The following TNFRSF21 variants were observed in gnomAD, a reference collection of about 807,000 sequenced individuals.
The protein encoded by TNFRSF21 is TNF receptor superfamily member 21.
TNFRSF21 carries 19 observed loss-of-function variants against 45.6 expected under a neutral mutation model. The ratio of observed to expected loss-of-function variants is 0.42; its 90% CI spans 0.29 to 0.61. TNFRSF21 has a LOEUF of 0.61. Among genes scored for constraint, TNFRSF21 ranks in the 20% least tolerant of loss-of-function variants. TNFRSF21 has a pLI of 0.23. For synonymous variants in TNFRSF21, 314 were observed against 335.5 expected (o/e 0.94, Z 0.70); for missense variants, 737 against 851.5 (o/e 0.87, Z 1.67).
chr6:47,234,797 C>G lies in TNFRSF21; in HGVS notation c.1611G>C (p.Thr537=), dbSNP rs774299943. The change falls in exon 5 of 6, where the codon ACG becomes ACC. Residue 537 remains threonine, a synonymous_variant. Transcript: ENST00000296861. ...TCTTGTCCTGTGGGGAAGGCTCCAC[C>G]GTCAGGAGAGCGGAATTCTCAAGTT... is the stretch of plus-strand genomic sequence containing the variant. ...NAKLENSALL[T]VEPSPQDKNK... is the part of the protein sequence containing the mutation. The G allele has an allele frequency of 6.3e-7, 1 of 1,583,684 alleles. No individual in the cohort carries two copies. Among genetic ancestry groups the G allele is most frequent in the Non-Finnish European group, 8.6e-7 (1 of 1,167,766 alleles).
intron 3 of TNFRSF21, among the ~76,000 whole-genome samples, chr6:47,257,727 G>A (rs2113851929): frequency 6.6e-6 from 1 of 152,254 alleles, no homozygotes; most frequent in South Asian, 2.1e-4. Flanking sequence ...TTCTTTTCAT[G>A]TTATTACTTT....
At chr6:47,306,604 T>C (rs1057491274) in intron 1 of TNFRSF21, among the ~76,000 whole-genome samples, 2 of 152,236 alleles carry the variant, frequency 1.3e-5, no homozygotes, top group African/African-American at 4.8e-5. Context: ...TTGCTCTCTC[T>C]ATACATATAC....
intron 3 of TNFRSF21, among the ~76,000 whole-genome samples, chr6:47,255,472 T>G (rs1764972477): frequency 6.6e-6 from 1 of 151,232 alleles, no homozygotes; most frequent in African/African-American, 2.4e-5. Flanking sequence ...TTTTTTTTTG[T>G]TTTTTTGAGA....
intron 4 of TNFRSF21, 51 bp downstream of exon 4, chr6:47,253,205 G>C (rs1422434037): frequency 6.3e-7 from 1 of 1,584,652 alleles, no homozygotes; most frequent in Non-Finnish European, 8.6e-7. Context: ...AAAATTTGAA[G>C]CATAGGGGCA....
At chr6:47,239,738 G>A (rs1764719430) in intron 4 of TNFRSF21, among the ~76,000 whole-genome samples, 1 of 152,124 alleles carries the variant, frequency 6.6e-6, no homozygotes, top group South Asian at 2.1e-4. Flanking sequence ...TCCCTCATCA[G>A]ACCTGTGGTC....
chr6:47,304,123 G>C (rs1036968230), intron 1 of TNFRSF21, among the ~76,000 whole-genome samples: 3 of 152,092 alleles, frequency 2.0e-5, no homozygotes, highest in Non-Finnish European at 4.4e-5. Flanking sequence ...AGAAGTTGCT[G>C]GTGACCTGGC....
intron 1 of TNFRSF21, among the ~76,000 whole-genome samples, chr6:47,300,733 C>T (rs899956879): frequency 2.6e-5 from 4 of 152,134 alleles, no homozygotes; most frequent in African/African-American, 9.7e-5. Flanking sequence ...CATACTGTTC[C>T]TTCCTCCTGG....
intron 4 of TNFRSF21, among the ~76,000 whole-genome samples, chr6:47,235,612 G>C (rs9367269): frequency 0.23 from 34,509 of 152,078 alleles, 5,445 homozygotes; most frequent in East Asian, 0.49. Context: ...CTTACACTCA[G>C]CTTCACAGGG....
chr6:47,260,265 C>A (rs1443740835), intron 3 of TNFRSF21, among the ~76,000 whole-genome samples: 7 of 117,964 alleles, frequency 5.9e-5, no homozygotes, highest in Non-Finnish European at 1.1e-4. Context: ...CTGAAGTCAT[C>A]CACAGGAGGG....
At chr6:47,282,256 A>C (rs1455422532) in intron 3 of TNFRSF21, among the ~76,000 whole-genome samples, 1 of 152,000 alleles carries the variant, frequency 6.6e-6, no homozygotes, top group South Asian at 2.1e-4. Flanking sequence ...ATGGTGGTAC[A>C]TGCCTGTAAT....
chr6:47,264,992 G>C (rs1489942527), intron 3 of TNFRSF21, among the ~76,000 whole-genome samples: 2 of 152,192 alleles, frequency 1.3e-5, no homozygotes, highest in Non-Finnish European at 2.9e-5. Flanking sequence ...CAGGATGACT[G>C]TCTGGAATTT....
Position 47,232,460 on chromosome 6 carries a change from G to A in TNFRSF21, c.*305C>T. On this transcript the variant is annotated 3_prime_UTR_variant, in exon 6 of 6. Transcript: ENST00000296861. ...AATAATCTTGAAAATACATAAGAAG[G>A]CAAAATGGAGAAAATATGGAACTTA... 1 of 293,650 alleles carries A rather than the reference G, an allele frequency of 3.4e-6. No individual in the cohort carries two copies. Among genetic ancestry groups the A allele is most frequent in the Non-Finnish European group, 6.3e-6 (1 of 158,292 alleles). The allele number at this position is 293,650 out of a possible 1,614,324, so 18.2% of individuals were successfully genotyped here. A position where few individuals can be genotyped will look rare whatever the true frequency, so the allele number is the denominator to read the frequency against.
chr6:47,253,197 A>C, intron 4 of TNFRSF21, 59 bp downstream of exon 4: 2 of 1,571,476 alleles, frequency 1.3e-6, no homozygotes, highest in Middle Eastern at 1.7e-4. Context: ...CAACTGATAA[A>C]ATTTGAAGCA....
At chr6:47,293,588 T>C (rs184282825) in intron 1 of TNFRSF21, among the ~76,000 whole-genome samples, 4 of 152,268 alleles carry the variant, frequency 2.6e-5, no homozygotes, top group East Asian at 1.9e-4. Context: ...TCAAAAGAAA[T>C]GTCAAAAAAT....
intron 1 of TNFRSF21, among the ~76,000 whole-genome samples, chr6:47,292,732 G>A (rs1393130691): frequency 6.6e-6 from 1 of 152,166 alleles, no homozygotes; most frequent in Non-Finnish European, 1.5e-5. Context: ...AAACATTTAA[G>A]TCTCTGCTCA....
rs1339828763 is a variant in TNFRSF21 at position 47,253,382 on chromosome 6, T to G, written c.1383A>C (p.Ala461=). 1.9e-6 allele frequency: 3 copies of G among 1,614,044 alleles called. No individual in the cohort carries two copies. In the African/African-American group the frequency reaches 4.0e-5, roughly 22 times the overall value. The part of the protein sequence containing the change: ...GYTADHERAY[A]ALQHWTIRGP... ...CCCGGATGGTCCAGTGCTGCAGAGCTGCGTAGGCCCGCTCGTGGTCGGCTG... is the reference window on the plus strand; with the variant it reads ...CCCGGATGGTCCAGTGCTGCAGAGCGGCGTAGGCCCGCTCGTGGTCGGCTG... The change falls in exon 4 of 6, where the codon GCA becomes GCC. Residue 461 remains alanine, a synonymous_variant. Coordinates refer to ENST00000296861, the MANE Select transcript of TNFRSF21 (RefSeq NM_014452.5).
chr6:47,263,773 A>G lies in TNFRSF21; in HGVS notation c.1244-10252T>C, dbSNP rs150517272. ...TACTAATTCTAAGACACCTGAATGT[A>G]TATTTTAATCAATGTCTTTTCATAG... On this transcript the variant is annotated intron_variant, in intron 3 of 5. Transcript: ENST00000296861. 3.2e-3 allele frequency among the ~76,000 whole-genome samples: 482 copies of G among 152,348 alleles called. 2 individuals are homozygous for G. Among genetic ancestry groups the G allele is most frequent in the African/African-American group, 0.011 (445 of 41,586 alleles).
chr6:47,296,115 C>A (rs1357133328), intron 1 of TNFRSF21, among the ~76,000 whole-genome samples: 1 of 152,060 alleles, frequency 6.6e-6, no homozygotes, highest in East Asian at 1.9e-4. Context: ...GAGTAGGCTA[C>A]CCATTTATTT....
intron 2 of TNFRSF21, among the ~76,000 whole-genome samples, chr6:47,285,293 C>T (rs1311147759): frequency 1.3e-5 from 2 of 152,220 alleles, no homozygotes; most frequent in Non-Finnish European, 2.9e-5. Context: ...TTATATTCTG[C>T]TTGAGGTTCT....
Sources: allele counts gnomAD v4.1 joint callset (sites outside exome capture counted in the v4.1 genomes callset), GRCh38; gene constraint gnomAD v4.1.1; transcripts MANE v1.5; gene names NCBI Gene and HGNC (gene_info 2026-07-23, HGNC 2026-07-21).